The following FRMD8 variants were observed in gnomAD, a reference collection of about 807,000 sequenced individuals.
FRMD8 encodes FERM domain-containing protein 8.
In FRMD8, 37 loss-of-function variants were observed where a neutral mutation model predicts 54.2. That is an observed-to-expected ratio of 0.68 (90% CI 0.53 to 0.90). FRMD8 has a LOEUF of 0.90. FRMD8 is among the 40% of genes least tolerant of loss of function. FRMD8 has a pLI of 0.00. For missense variants in FRMD8, 585 were observed against 653.7 expected, an observed-to-expected ratio of 0.89 and a Z score of 1.15; for synonymous variants, 246 against 286.9, an observed-to-expected ratio of 0.86 and a Z score of 1.44.
chr11:65,379,393 T>C, the FRMD8 span: 4 of 1,610,710 alleles, frequency 2.5e-6, no homozygotes, highest in Non-Finnish European at 3.4e-6. Flanking sequence ...AACCCCCCGG[T>C]GCAGCCCGCT....
At chr11:65,402,500 A>G (rs1856105073) in intron 9 of FRMD8, among the ~76,000 whole-genome samples, 1 of 152,144 alleles carries the variant, frequency 6.6e-6, no homozygotes, top group South Asian at 2.1e-4. Flanking sequence ...CTATATATTG[A>G]TTTTTGAACC....
At chr11:65,381,050 C>T in the FRMD8 span, 2 of 155,262 alleles carry the variant, frequency 1.3e-5, no homozygotes, top group Admixed American at 1.3e-4. Flanking sequence ...AGCACCCTCC[C>T]ACCTGTGCCT....
At position 65,400,615 on chromosome 11, in the gene FRMD8, A is replaced by G; in HGVS notation, c.928-109A>G. The G allele has an allele frequency of 9.1e-7, 1 of 1,102,200 alleles. No individual in the cohort carries two copies. The highest frequency in any genetic ancestry group is 1.7e-5 in the South Asian group (1 of 57,514). 68.3% of individuals were successfully genotyped at this position (1,102,200 alleles called of 1,614,324 possible). ...TACAGAAACACATGAACAAATGTAG[A>G]CTCAGCCTTGGAGAGGCACACACCC... On this transcript the variant is annotated intron_variant, in intron 8 of 10. Coordinates refer to ENST00000317568, the MANE Select transcript of FRMD8 (RefSeq NM_031904.5). This position sits in a 1 kb window ranked among gnomAD's most constrained non-coding sequence, Gnocchi z 4.3.
intron 10 of FRMD8, among the ~76,000 whole-genome samples, chr11:65,406,175 G>A (rs1447528077): frequency 6.8e-6 from 1 of 148,076 alleles, no homozygotes; most frequent in Non-Finnish European, 1.5e-5. Flanking sequence ...CTACAGGTGT[G>A]TGCCACCACA....
At chr11:65,376,935 G>A in the FRMD8 span, 1,055 of 1,613,280 alleles carry the variant, frequency 6.5e-4, 9 homozygotes, top group African/African-American at 0.012. Flanking sequence ...AACAGCCCCC[G>A]GGGCCCCTCC....
chr11:65,376,308 C>A, the FRMD8 span: 3 of 1,420,882 alleles, frequency 2.1e-6, no homozygotes. Flanking sequence ...AAGGGCTGAG[C>A]CTCTTGCACT....
At chr11:65,394,179 G>T in intron 5 of FRMD8, 80 bp downstream of exon 5, 2 of 1,598,660 alleles carry the variant, frequency 1.3e-6, no homozygotes, top group South Asian at 1.1e-5. Flanking sequence ...CTGGACATTC[G>T]CACCTTGCCC....
intron 1 of FRMD8, 85 bp from the exon 2 acceptor site, chr11:65,386,952 T>G: frequency 8.2e-7 from 1 of 1,226,314 alleles, no homozygotes; most frequent in Non-Finnish European, 1.2e-6. Flanking sequence ...CTGGGATCCC[T>G]TACCGTACTC....
chr11:65,394,081 A>C lies in FRMD8; in HGVS notation c.396A>C (p.Pro132=). 6.2e-7 allele frequency: 1 copy of C among 1,614,022 alleles called. No homozygotes were observed. Among genetic ancestry groups the C allele is most frequent in the East Asian group, 2.2e-5 (1 of 44,868 alleles). ...FLQFRRNVFF[P]KRRELQIHDE... ...AGTTCCGAAGGAACGTGTTCTTCCC[A>C]AAGCGGCGGGAGCTCCAGGTGAGGC... Residue 132 remains proline (P), a synonymous_variant, in exon 5 of 11, where the codon CCA becomes CCC. Transcript: ENST00000317568.
At chr11:65,411,118 A>G in intron 10 of FRMD8, 124 bp from the exon 11 acceptor site, 2 of 687,798 alleles carry the variant, frequency 2.9e-6, no homozygotes, top group South Asian at 2.1e-5. Flanking sequence ...GGATGAGGGG[A>G]GCTCAGTCTG....
At chr11:65,386,088 G>A (rs553068393), upstream of FRMD8, among the ~76,000 whole-genome samples, 1 of 152,258 alleles carries the variant, frequency 6.6e-6, no homozygotes, top group South Asian at 2.1e-4. Flanking sequence ...GAGCCACCGC[G>A]CCCGGCCGAC....
At chr11:65,369,421 C>CA in the FRMD8 span, among the ~76,000 whole-genome samples, 3,861 of 124,700 alleles carry the variant, frequency 0.031, 63 homozygotes, top group African/African-American at 0.069. Context: ...CCCATTTTTA[C>CA]AAAAAAAAAA....
At chr11:65,392,674 C>G (rs652501) in intron 3 of FRMD8, among the ~76,000 whole-genome samples, 2 of 151,890 alleles carry the variant, frequency 1.3e-5, no homozygotes, top group Admixed American at 1.3e-4. Context: ...CAACCCCTGG[C>G]GAGGTCACTG....
chr11:65,384,926 G>T (rs1855706799), upstream of FRMD8, among the ~76,000 whole-genome samples: 1 of 152,046 alleles, frequency 6.6e-6, no homozygotes, highest in Non-Finnish European at 1.5e-5. Flanking sequence ...CCCCAGGCTG[G>T]TCTTGAACTC....
intron 2 of FRMD8, among the ~76,000 whole-genome samples, chr11:65,388,151 T>G (rs1590645841): frequency 6.9e-6 from 1 of 145,926 alleles, no homozygotes; most frequent in African/African-American, 2.5e-5. Flanking sequence ...GCAACGAGGG[T>G]GAAACTCCGT....
upstream of FRMD8, chr11:65,382,719 A>G (rs923977953): frequency 3.3e-5 from 5 of 152,546 alleles, no homozygotes; most frequent in Non-Finnish European, 7.3e-5. The surrounding 1 kb of genome is among the most constrained non-coding windows in gnomAD (Gnocchi z 4.4). Flanking sequence ...ACGTCCTGCC[A>G]CCCACCCCCT....
chr11:65,387,145 T>C, intron 2 of FRMD8, 24 bp downstream of exon 2: 1 of 1,583,882 alleles, frequency 6.3e-7, no homozygotes, highest in Non-Finnish European at 8.6e-7. Flanking sequence ...GCATCTCCTC[T>C]TCCACACCCT....
the FRMD8 span, among the ~76,000 whole-genome samples, chr11:65,372,977 G>A: frequency 6.6e-6 from 1 of 152,116 alleles, no homozygotes; most frequent in Non-Finnish European, 1.5e-5. Context: ...AAAGCTGGGG[G>A]TGGTGGCTCA....
At chr11:65,380,640 G>A in the FRMD8 span, 1 of 1,288,132 alleles carries the variant, frequency 7.8e-7, no homozygotes, top group East Asian at 5.5e-5. Flanking sequence ...GCCCTGATGG[G>A]GGTCATGCCT....
Sources: gnomAD v4.1 joint callset for allele counts (sites outside exome capture counted in the v4.1 genomes callset) on GRCh38, gnomAD v4.1.1 for gene constraint, Gnocchi (gnomAD v3.1) non-coding constraint, MANE v1.5 for transcripts, NCBI Gene and HGNC (gene_info 2026-07-23, HGNC 2026-07-21) for gene names.